Variants in PRKAR2B observed in about 807,000 individuals in gnomAD.
PRKAR2B encodes cAMP-dependent protein kinase type II-beta regulatory subunit.
PRKAR2B carries 14 observed loss-of-function variants against 49.9 expected under a neutral mutation model. The observed-to-expected ratio is 0.28, with a 90% CI of 0.19 to 0.44. PRKAR2B has a LOEUF of 0.44. PRKAR2B is among the 20% of genes least tolerant of loss of function. The probability of loss-of-function intolerance (pLI) is 1.00; values close to 1 mark genes in which losing one functional copy is unlikely to be tolerated. For synonymous variants in PRKAR2B, 196 were observed against 197.7 expected, an observed-to-expected ratio of 0.99 and a Z score of 0.07; for missense variants, 393 against 537.9, an observed-to-expected ratio of 0.73 and a Z score of 2.67.
intron 2 of PRKAR2B, among the ~76,000 whole-genome samples, chr7:107,101,265 G>A (rs945735468): frequency 1.3e-5 from 2 of 151,330 alleles, no homozygotes; most frequent in Non-Finnish European, 2.9e-5. Flanking sequence ...GGCCTCTCAA[G>A]GTTAGCCCCT....
At chr7:107,114,548 T>C (rs1795236462) in intron 2 of PRKAR2B, among the ~76,000 whole-genome samples, 1 of 145,636 alleles carries the variant, frequency 6.9e-6, no homozygotes. Flanking sequence ...TTTTTTTTTT[T>C]TCTTGGAGAG....
intron 2 of PRKAR2B, among the ~76,000 whole-genome samples, chr7:107,101,577 G>A (rs543516075): frequency 1.3e-5 from 2 of 152,298 alleles, no homozygotes; most frequent in African/African-American, 4.8e-5. Flanking sequence ...TAAATTTCTG[G>A]TTAGTTCACT....
At chr7:107,056,224 T>C (rs1793908014) in intron 1 of PRKAR2B, among the ~76,000 whole-genome samples, 4 of 152,202 alleles carry the variant, frequency 2.6e-5, no homozygotes, top group African/African-American at 9.7e-5. Context: ...CATAGCCTTG[T>C]AGTATAGTTT....
In PRKAR2B at chr7:107,159,861, T is replaced by C; in HGVS notation, c.*279T>C. 3.2e-6 allele frequency: 1 copy of C among 308,166 alleles called. No individual in the cohort carries two copies. The highest frequency in any genetic ancestry group is 7.2e-5 in the South Asian group (1 of 13,806). The allele number at this position is 308,166 out of a possible 1,614,324, so 19.1% of individuals were successfully genotyped here. ...GGTTTATTAAAATGATTGTAATATA[T>C]AGAAAGTATCTGTGTTTAAGAAGAT... On this transcript the variant is annotated 3_prime_UTR_variant, in exon 11 of 11. Transcript: ENST00000265717.
At chr7:107,126,542 G>C (rs1364373553) in intron 3 of PRKAR2B, among the ~76,000 whole-genome samples, 1 of 151,838 alleles carries the variant, frequency 6.6e-6, no homozygotes, top group Non-Finnish European at 1.5e-5. Flanking sequence ...TGGAGAGAAA[G>C]ACATAAAGTT....
intron 2 of PRKAR2B, among the ~76,000 whole-genome samples, chr7:107,093,073 A>G (rs1389212514): frequency 2.6e-5 from 4 of 152,200 alleles, no homozygotes; most frequent in Non-Finnish European, 4.4e-5. Context: ...TTAAGATGAT[A>G]TAATTTTCTA....
intron 2 of PRKAR2B, among the ~76,000 whole-genome samples, chr7:107,095,653 T>C (rs1794823781): frequency 6.6e-6 from 1 of 152,182 alleles, no homozygotes; most frequent in South Asian, 2.1e-4. Flanking sequence ...CCTAGATAGC[T>C]CTTATTATTT....
chr7:107,059,689 G>A (rs1793987851), intron 1 of PRKAR2B, among the ~76,000 whole-genome samples: 1 of 117,786 alleles, frequency 8.5e-6, no homozygotes, highest in Admixed American at 9.1e-5. Context: ...TTATAGTGCT[G>A]TAGTGAATGT....
intron 2 of PRKAR2B, among the ~76,000 whole-genome samples, chr7:107,097,042 T>C (rs1794853017): frequency 6.6e-6 from 1 of 152,214 alleles, no homozygotes; most frequent in Non-Finnish European, 1.5e-5. Context: ...GGTGCAGAGC[T>C]GAGTTCAATT....
chr7:107,111,167 T>C (rs538506374), intron 2 of PRKAR2B, among the ~76,000 whole-genome samples: 1 of 151,970 alleles, frequency 6.6e-6, no homozygotes, highest in East Asian at 1.9e-4. Flanking sequence ...GGCCACAGGG[T>C]GAGGTTCCTC....
intron 1 of PRKAR2B, among the ~76,000 whole-genome samples, chr7:107,051,999 T>A (rs1317199101): frequency 6.6e-6 from 1 of 152,248 alleles, no homozygotes; most frequent in Non-Finnish European, 1.5e-5. Flanking sequence ...AAAAGCCGTT[T>A]GTTCCATTTG....
chr7:107,054,957 C>T (rs956901980), intron 1 of PRKAR2B, among the ~76,000 whole-genome samples: 3 of 152,066 alleles, frequency 2.0e-5, no homozygotes, highest in Non-Finnish European at 2.9e-5. Context: ...TGCCATCCCT[C>T]CCCCATCCCC....
intron 1 of PRKAR2B, among the ~76,000 whole-genome samples, chr7:107,053,840 C>T (rs1426102199): frequency 6.6e-6 from 1 of 151,874 alleles, no homozygotes; most frequent in African/African-American, 2.4e-5. Context: ...AAATACCAGT[C>T]AGAATTAGAA....
At chr7:107,052,288 G>T (rs963423615) in intron 1 of PRKAR2B, among the ~76,000 whole-genome samples, 1 of 152,068 alleles carries the variant, frequency 6.6e-6, no homozygotes, top group Non-Finnish European at 1.5e-5. Flanking sequence ...GCGTGGTGGC[G>T]GGCGCCTTAA....
At chr7:107,120,012 C>T (rs560363436) in intron 2 of PRKAR2B, among the ~76,000 whole-genome samples, 2 of 152,250 alleles carry the variant, frequency 1.3e-5, no homozygotes, top group South Asian at 4.1e-4. Flanking sequence ...CTGGATAAAA[C>T]GTGGGTCCTG....
intron 2 of PRKAR2B, among the ~76,000 whole-genome samples, chr7:107,110,260 T>A (rs976294860): frequency 6.6e-6 from 1 of 152,116 alleles, no homozygotes; most frequent in Non-Finnish European, 1.5e-5. Context: ...ATCCCAACAG[T>A]TGGAAAGTTC....
chr7:107,131,735 A>C (rs1795606877), intron 4 of PRKAR2B, among the ~76,000 whole-genome samples: 1 of 152,204 alleles, frequency 6.6e-6, no homozygotes, highest in South Asian at 2.1e-4. Flanking sequence ...GCAAATTACC[A>C]CCTGGAATAA....
intron 2 of PRKAR2B, among the ~76,000 whole-genome samples, chr7:107,113,867 T>C (rs1435466094): frequency 6.6e-6 from 1 of 152,182 alleles, no homozygotes; most frequent in African/African-American, 2.4e-5. Flanking sequence ...TGAAGGTTTG[T>C]ATGGTGTTTC....
At chr7:107,079,282 A>G (rs576182444) in intron 2 of PRKAR2B, among the ~76,000 whole-genome samples, 8 of 152,264 alleles carry the variant, frequency 5.3e-5, no homozygotes, top group Non-Finnish European at 7.4e-5. Context: ...TCAAATTGCT[A>G]TAATTGTATC....
Sources: allele counts gnomAD v4.1 joint callset (sites outside exome capture counted in the v4.1 genomes callset), GRCh38; gene constraint gnomAD v4.1.1; transcripts MANE v1.5; gene names NCBI Gene and HGNC (gene_info 2026-07-23, HGNC 2026-07-21).